SULT1A1: variants seen among roughly 807,000 people sequenced by gnomAD.
SULT1A1 encodes sulfotransferase family 1A member 1.
In SULT1A1, 35 loss-of-function variants were observed where a neutral mutation model predicts 36.8. The ratio of observed to expected loss-of-function variants is 0.95; its 90% CI spans 0.73 to 1.26. SULT1A1 has a LOEUF of 1.26. Among genes scored for constraint, SULT1A1 ranks in the 50% most tolerant of loss-of-function variants. The pLI, the probability that SULT1A1 is intolerant of heterozygous loss-of-function variation, is 0.00. For missense variants in SULT1A1, 309 were observed against 383.0 expected, an observed-to-expected ratio of 0.81 and a Z score of 1.61; for synonymous variants, 119 against 146.0, an observed-to-expected ratio of 0.82 and a Z score of 1.33.
chr16:28,610,290 T>TTTTTTTTC, upstream of SULT1A1: 1 of 1,046,576 alleles, frequency 9.6e-7, no homozygotes, highest in Non-Finnish European at 1.2e-6. Context: ...TTTTTTTTTT[T>TTTTTTTTC]CCGAGCTGTC....
chr16:28,615,319 T>G (rs2047514041), intron 2 of SULT1A1, among the ~76,000 whole-genome samples: 1 of 120,756 alleles, frequency 8.3e-6, no homozygotes, highest in African/African-American at 2.9e-5. Context: ...ATCCTGCATT[T>G]TCCTCCTTTT....
upstream of SULT1A1, chr16:28,610,314 C>T: frequency 1.1e-6 from 1 of 922,166 alleles, no homozygotes; most frequent in African/African-American, 1.9e-5. Context: ...GGGCTCCTGA[C>T]CTGCCCCTGA....
At chr16:28,606,326 T>C (rs1203362778) in intron 6 of SULT1A1, 90 bp from the exon 7 acceptor site, 7 of 1,591,760 alleles carry the variant, frequency 4.4e-6, no homozygotes, top group African/African-American at 2.7e-5. Context: ...AGAGGCGATC[T>C]GGCCACTTCT....
chr16:28,608,725 C>T lies in SULT1A1; in HGVS notation c.131G>A (p.Ser44Asn), dbSNP rs199959449. The part of the protein sequence containing the change: ...FQARPDDLLI[S>N]TYPKSGTTWV... ...TCACTTACCGGACTTGGGGTAGGTG[C>T]TGATGAGCAGGTCATCAGGCCGGGC... The change falls in exon 2 of 8, where the codon AGC becomes AAC. Residue 44 changes from serine (S) to asparagine (N), a missense_variant. By Grantham distance (46) the Ser-to-Asn change is conservative (BLOSUM62 1). Around this residue, in one of 3 missense-constraint regions of SULT1A1, gnomAD observed 219 missense variants for 215.3 expected, o/e 1.02. Coordinates refer to ENST00000314752, the MANE Select transcript of SULT1A1 (RefSeq NM_001055.4). 423 of 1,612,684 alleles carry T rather than the reference C, an allele frequency of 2.6e-4. 2 individuals are homozygous for T. Among genetic ancestry groups the T allele is most frequent in the African/African-American group, 4.0e-4 (30 of 74,958 alleles).
rs779412748 is a variant in SULT1A1 at position 28,605,885 on chromosome 16, C to A, written c.824G>T (p.Arg275Leu). 6 of 1,609,434 alleles carry A rather than the reference C, an allele frequency of 3.7e-6. No homozygotes were observed. Among genetic ancestry groups the A allele is most frequent in the Non-Finnish European group, 4.2e-6 (5 of 1,178,036 alleles). Residue 275 changes from arginine to leucine, a missense_variant, in exon 8 of 8, where the codon CGC becomes CTC. Around this residue, in one of 3 missense-constraint regions of SULT1A1, gnomAD observed 67 missense variants for 122.0 expected, o/e 0.55. Coordinates refer to ENST00000314752, the MANE Select transcript of SULT1A1 (RefSeq NM_001055.4). ...KTTFTVAQNE[R>L]FDADYAEKMA... is the part of the protein sequence containing the mutation. ...CTTCTCCGCATAGTCCGCATCGAAG[C>A]GCTCATTCTGCGCCACGGTGAAGGT... is the stretch of plus-strand genomic sequence containing the variant.
Position 28,606,787 on chromosome 16 carries a change from A to G in SULT1A1, c.568T>C (p.Tyr190His), listed in dbSNP as rs1432142550. 1.9e-6 allele frequency: 3 copies of G among 1,612,340 alleles called. No individual in the cohort carries two copies. The highest frequency in any genetic ancestry group is 2.5e-6 in the Non-Finnish European group (3 of 1,178,684). ...TCCTTCATGTCTTCATAGAAGAGGT[A>G]GAGAACAGGGTGGGTGCGGCTCAGC... The part of the protein sequence containing the change: ...WELSRTHPVL[Y>H]LFYEDMKENP... Residue 190 changes from tyrosine (Y) to histidine (H), a missense_variant, in exon 6 of 8, where the codon TAC (tyrosine) becomes CAC (histidine). Coordinates refer to ENST00000314752, the MANE Select transcript of SULT1A1 (RefSeq NM_001055.4).
intron 2 of SULT1A1, among the ~76,000 whole-genome samples, chr16:28,615,549 C>T (rs531694397): frequency 4.0e-5 from 6 of 150,476 alleles, no homozygotes; most frequent in Non-Finnish European, 7.4e-5. Context: ...AGACAGACCC[C>T]GAGGCCTTGT....
exon 1 of SULT1A1, chr16:28,623,290 C>T (rs1401354351): frequency 5.8e-6 from 9 of 1,539,186 alleles, no homozygotes; most frequent in Middle Eastern, 2.2e-4. Context: ...AACGTGGCCA[C>T]GCGCCGCGTC....
intron 2 of SULT1A1, among the ~76,000 whole-genome samples, chr16:28,616,860 G>C (rs554357278): frequency 3.0e-4 from 46 of 152,190 alleles, no homozygotes; most frequent in African/African-American, 1.1e-3. Flanking sequence ...CTCATTCCAA[G>C]TTGCTCAACA....
Position 28,607,061 on chromosome 16 carries a change from C to T in SULT1A1, c.389G>A (p.Arg130His), listed in dbSNP as rs747252974. The change falls in exon 5 of 8, where the codon CGC becomes CAC. Residue 130 changes from arginine (R) to histidine (H), a missense_variant. Around this residue, in one of 3 missense-constraint regions of SULT1A1, gnomAD observed 219 missense variants for 215.3 expected, o/e 1.02. Coordinates refer to ENST00000314752, the MANE Select transcript of SULT1A1 (RefSeq NM_001055.4). ...DQKVKVVYVA[R>H]NAKDVAVSYY... ...GGAAACTGCCACATCCTTTGCGTTG[C>T]GGGCAACATAGACCACCTGCAGGGG... 57 of 1,612,304 alleles carry T rather than the reference C, an allele frequency of 3.5e-5. 2 individuals carry two copies. The highest frequency in any genetic ancestry group is 1.3e-4 in the East Asian group (6 of 44,886).
In SULT1A1 at chr16:28,609,033, G is replaced by T. The variant is rs114062355; in HGVS notation, c.-4-174C>A. 6.0e-3 allele frequency: 9,079 copies of T among 1,505,102 alleles called. 373 individuals are homozygous for T. In the African/African-American group the frequency reaches 0.11, roughly 18 times the overall value. 93.2% of individuals were successfully genotyped at this position (1,505,102 alleles called of 1,614,324 possible). A position where few individuals can be genotyped will look rare whatever the true frequency, so the allele number is the denominator to read the frequency against. ...GCTGAAAACCAGGTCGGGCTCTAAT[G>T]CGGTGGTTCCCCAGCCTGGCCTCAC... is the stretch of plus-strand genomic sequence containing the variant. On this transcript the variant is annotated intron_variant, in intron 1 of 7. Coordinates refer to ENST00000314752, the MANE Select transcript of SULT1A1 (RefSeq NM_001055.4).
chr16:28,608,342 T>C lies in SULT1A1; in HGVS notation c.321A>G (p.Thr107=). 1 of 1,612,298 alleles carries C rather than the reference T, an allele frequency of 6.2e-7. No homozygotes were observed. Among genetic ancestry groups the C allele is most frequent in the Non-Finnish European group, 8.5e-7 (1 of 1,178,648 alleles). ...GGGGGAGCAGAGCCAGGGGCAGGTG[T>C]GTCTTCAGGAGTCGTGGGGCCGGTG... ...KDTPAPRLLK[T]HLPLALLPQT... Residue 107 remains threonine (T), a synonymous_variant, in exon 4 of 8, where the codon ACA becomes ACG. Transcript: ENST00000314752.
At position 28,606,884 on chromosome 16, in the gene SULT1A1, C is replaced by T. The variant is rs369221760; in HGVS notation, c.500-29G>A. On this transcript the variant is annotated intron_variant, in intron 5 of 7. Transcript: ENST00000314752. The stretch of plus-strand genomic sequence containing the variant: ...GAGAAGCAGGCAAGGGGTGCCAACA[C>T]AGGGTTGCTGTGCGTTGTAGCCACC... 4 of 1,612,328 alleles carry T rather than the reference C, an allele frequency of 2.5e-6. No individual in the cohort carries two copies. In the African/African-American group the frequency reaches 5.3e-5, roughly 22 times the overall value.
chr16:28,611,441 C>T (rs548717805), upstream of SULT1A1: 2 of 152,274 alleles, frequency 1.3e-5, no homozygotes, highest in African/African-American at 4.8e-5. Flanking sequence ...AACCGTACAC[C>T]CACCAGTGCC....
Position 28,605,676 on chromosome 16 carries a change from A to C in SULT1A1, c.*145T>G. The stretch of plus-strand genomic sequence containing the variant: ...AGGTTGGTCTCGAACTCCTGGGCTC[A>C]AATGATCCTCCCACCTCAGCCTCCA... On this transcript the variant is annotated 3_prime_UTR_variant, in exon 8 of 8. Transcript: ENST00000314752. The C allele has an allele frequency of 7.0e-7, 1 of 1,420,752 alleles. No homozygotes were observed. Among genetic ancestry groups the C allele is most frequent in the Non-Finnish European group, 9.7e-7 (1 of 1,028,568 alleles). 88.0% of individuals were successfully genotyped at this position (1,420,752 alleles called of 1,614,324 possible).
upstream of SULT1A1, chr16:28,610,897 C>G (rs536840848): frequency 6.6e-6 from 1 of 152,358 alleles, no homozygotes; most frequent in Non-Finnish European, 1.5e-5. Flanking sequence ...AAACAACCAT[C>G]TGAGTAAAGG....
upstream of SULT1A1, chr16:28,610,261 TCTG>T (rs141002786): frequency 2.3e-5 from 22 of 943,814 alleles, no homozygotes; most frequent in East Asian, 3.0e-4. Context: ...GTTTTTTTTT[TCTG>T]TTTTTTTTTT....
At chr16:28,616,202 A>G (rs1487963759) in intron 2 of SULT1A1, among the ~76,000 whole-genome samples, 1 of 152,214 alleles carries the variant, frequency 6.6e-6, no homozygotes, top group Non-Finnish European at 1.5e-5. Flanking sequence ...GGCTATGATT[A>G]TTGAGCGAGG....
intron 6 of SULT1A1, 52 bp from the exon 7 acceptor site, chr16:28,606,288 AG>A (rs1431026276): frequency 1.2e-6 from 2 of 1,611,202 alleles, no homozygotes; most frequent in African/African-American, 1.3e-5. Flanking sequence ...ATTCAGGAAA[AG>A]TAAAAGGGGT....
Sources: gnomAD v4.1 joint callset for allele counts (sites outside exome capture counted in the v4.1 genomes callset) on GRCh38, gnomAD v4.1.1 for gene constraint, gnomAD v4.1.1 regional missense constraint, MANE v1.5 for transcripts, NCBI Gene and HGNC (gene_info 2026-07-23, HGNC 2026-07-21) for gene names.